The following SACS variants were observed in gnomAD, a reference collection of about 807,000 sequenced individuals.
The protein encoded by SACS is sacsin molecular chaperone, also known as sacsin.
In SACS, 197 loss-of-function variants were observed where a neutral mutation model predicts 348.0. That is an observed-to-expected ratio of 0.57 (90% confidence interval 0.50 to 0.64). SACS has a LOEUF of 0.64. Among genes scored for constraint, SACS ranks in the 30% least tolerant of loss-of-function variants. SACS has a pLI of 0.00. For synonymous variants in SACS, 1,985 were observed against 1,910.6 expected, an observed-to-expected ratio of 1.04 and a Z score of -1.02; for missense variants, 4,999 against 5,360.8, an observed-to-expected ratio of 0.93 and a Z score of 2.11.
chr13:23,411,557 C>T lies in SACS; in HGVS notation c.-318G>A, dbSNP rs1485822239. 1.3e-5 allele frequency: 4 copies of T among 305,894 alleles called. No homozygotes were observed. Among genetic ancestry groups the T allele is most frequent in the East Asian group, 1.3e-4 (2 of 15,772 alleles). 18.9% of individuals were successfully genotyped at this position (305,894 alleles called of 1,614,324 possible). ...AAAGGTTTTTGGCTTTCCCCCAGAG[C>T]AAAATCAATTTATTTTCATCTGAGA... On this transcript the variant is annotated 5_prime_UTR_variant, in exon 2 of 10. Coordinates refer to ENST00000382292, the MANE Select transcript of SACS (RefSeq NM_014363.6).
At chr13:23,372,071 G>A in intron 3 of SACS, among the ~76,000 whole-genome samples, 1 of 152,192 alleles carries the variant, frequency 6.6e-6, no homozygotes, top group East Asian at 1.9e-4. Context: ...TCATTAATAT[G>A]TCACAGAATT....
At chr13:23,347,591 G>C (rs147773250) in intron 9 of SACS, among the ~76,000 whole-genome samples, 1 of 152,290 alleles carries the variant, frequency 6.6e-6, no homozygotes, top group African/African-American at 2.4e-5. Context: ...TACTGATTGA[G>C]TGCTAGAGAT....
chr13:23,358,705 T>C (rs1173493722), intron 6 of SACS, among the ~76,000 whole-genome samples: 1 of 151,716 alleles, frequency 6.6e-6, no homozygotes, highest in Non-Finnish European at 1.5e-5. Flanking sequence ...TGGCCAAAAA[T>C]CCAAAAAGGA....
In SACS at chr13:23,338,870, A is replaced by G; in HGVS notation, c.5006T>C (p.Ile1669Thr). 2 of 1,613,192 alleles carry G rather than the reference A, an allele frequency of 1.2e-6. No individual in the cohort carries two copies. The highest frequency in any genetic ancestry group is 1.7e-6 in the Non-Finnish European group (2 of 1,179,832). The change falls in exon 10 of 10, where the codon ATT becomes ACT. Residue 1669 changes from isoleucine (I) to threonine (T), a missense_variant. Coordinates refer to ENST00000382292, the MANE Select transcript of SACS (RefSeq NM_014363.6). Reference sequence around the variant, plus strand: ...ACTAAATTCATCCACAAGAGAATAAATATCTGCTGTATTGTAGCACGTACT... The same window carrying G: ...ACTAAATTCATCCACAAGAGAATAAGTATCTGCTGTATTGTAGCACGTACT... ...VSSTCYNTADIYSLVDEFSLC... is the reference protein window; with the variant it reads ...VSSTCYNTADTYSLVDEFSLC...
Position 23,336,661 on chromosome 13 carries a change from T to G in SACS, c.7215A>C (p.Glu2405Asp), listed in dbSNP as rs1566064753. 2 of 1,613,846 alleles carry G rather than the reference T, an allele frequency of 1.2e-6. No individual in the cohort carries two copies. Among genetic ancestry groups the G allele is most frequent in the Middle Eastern group, 3.3e-4 (2 of 6,062 alleles). The change falls in exon 10 of 10, where the codon GAA becomes GAC. Residue 2405 changes from glutamate (E) to aspartate (D), a missense_variant. Around this residue, in one of 6 missense-constraint regions of SACS, gnomAD observed 3,156 missense variants for 3,380.1 expected, o/e 0.93. Transcript: ENST00000382292. ...TTGTTCCTCTTTCTTGATCAATAGA[T>G]TCCAAAACAAGAGCAAAATCTTCAA... ...CTVEDFALVL[E>D]SIDQERGTKQ...
intron 6 of SACS, among the ~76,000 whole-genome samples, chr13:23,359,662 T>C (rs926528489): frequency 6.6e-6 from 1 of 152,350 alleles, no homozygotes; most frequent in East Asian, 1.9e-4. Context: ...TATATTCAAC[T>C]ATATTCACTC....
intron 7 of SACS, 99 bp downstream of exon 7, chr13:23,358,236 G>T: frequency 7.8e-7 from 1 of 1,281,544 alleles, no homozygotes; most frequent in Non-Finnish European, 1.1e-6. Context: ...TGGGTAAGAT[G>T]GCTTTTAAAC....
intron 9 of SACS, chr13:23,346,859 T>C (rs1376159492): frequency 1.0e-6 from 1 of 973,208 alleles, no homozygotes; most frequent in Non-Finnish European, 1.2e-6. Context: ...TTAAATCCAT[T>C]CTTAGAAGAG....
intron 2 of SACS, among the ~76,000 whole-genome samples, chr13:23,395,881 C>T (rs1427246673): frequency 6.6e-6 from 1 of 152,130 alleles, no homozygotes; most frequent in African/African-American, 2.4e-5. Flanking sequence ...TACAAGGTCT[C>T]TATTTGCATC....
In SACS at chr13:23,365,758, C is replaced by T. The variant is rs922886160; in HGVS notation, c.346-481G>A. ...ATAGTAGCAATCTATATATACCCTTCAATTGGCTGCTTTCTTGAGAGCCTG... is the reference window on the plus strand; with the variant it reads ...ATAGTAGCAATCTATATATACCCTTTAATTGGCTGCTTTCTTGAGAGCCTG... On this transcript the variant is annotated intron_variant, in intron 5 of 9. Transcript: ENST00000382292. Among the ~76,000 whole-genome samples, 11 of 152,286 alleles carry T rather than the reference C, an allele frequency of 7.2e-5. No individual in the cohort carries two copies. The East Asian group carries it at 1.2e-3, about 16-fold the overall frequency.
chr13:23,340,089 G>C lies in SACS; in HGVS notation c.3787C>G (p.Leu1263Val). The change falls in exon 10 of 10, where the codon CTA becomes GTA. Residue 1263 changes from leucine to valine, a missense_variant. Transcript: ENST00000382292. ...LEIYGFMHDH[L>V]NEGKDSFRAL... Reference sequence around the variant, plus strand: ...CTAAAAGAATCTTTCCCTTCATTTAGATGATCATGCATGAATCCGTAAATC... The same window carrying C: ...CTAAAAGAATCTTTCCCTTCATTTACATGATCATGCATGAATCCGTAAATC... 1.2e-6 allele frequency: 2 copies of C among 1,614,028 alleles called. No homozygotes were observed. Among genetic ancestry groups the C allele is most frequent in the South Asian group, 1.1e-5 (1 of 91,038 alleles).
Position 23,335,183 on chromosome 13 carries a change from C to T in SACS, c.8693G>A (p.Arg2898His), listed in dbSNP as rs201977288. 1.9e-5 allele frequency: 31 copies of T among 1,613,894 alleles called. No individual in the cohort carries two copies. Among genetic ancestry groups the T allele is most frequent in the Admixed American group, 3.3e-5 (2 of 59,976 alleles). ...TCGAACACCAACTCCATTATCATCA[C>T]GCCACAGGTTCCTTCTGGCTGAATC... ...ALDSARRNLW[R>H]DDNGVGVRSD... The change falls in exon 10 of 10, where the codon CGT (arginine) becomes CAT (histidine). Residue 2898 changes from arginine to histidine, a missense_variant. Transcript: ENST00000382292. The surrounding 1 kb of genome is among the most constrained non-coding windows in gnomAD (Gnocchi z 4.7).
intron 4 of SACS, 45 bp downstream of exon 4, chr13:23,371,033 T>C: frequency 8.0e-7 from 1 of 1,246,028 alleles, no homozygotes; most frequent in Non-Finnish European, 1.1e-6. Flanking sequence ...TCAATCTTTG[T>C]GCAACCCAAC....
At chr13:23,383,738 T>C (rs1292745507) in intron 2 of SACS, among the ~76,000 whole-genome samples, 3 of 152,230 alleles carry the variant, frequency 2.0e-5, no homozygotes, top group Non-Finnish European at 4.4e-5. Flanking sequence ...ACGACGCTTA[T>C]GTCTCCTTTC....
At chr13:23,417,693 A>G (rs755620063) in intron 1 of SACS, among the ~76,000 whole-genome samples, 4 of 152,240 alleles carry the variant, frequency 2.6e-5, no homozygotes, top group South Asian at 2.1e-4. Flanking sequence ...GTGGAACACA[A>G]TATCTTTATG....
At chr13:23,361,780 A>G (rs1248636127) in intron 6 of SACS, among the ~76,000 whole-genome samples, 1 of 150,762 alleles carries the variant, frequency 6.6e-6, no homozygotes, top group Admixed American at 6.6e-5. Flanking sequence ...TCCGTTTCGA[A>G]AAAGAAGGAA....
intron 1 of SACS, among the ~76,000 whole-genome samples, chr13:23,412,023 G>A (rs1459287654): frequency 6.6e-6 from 1 of 152,206 alleles, no homozygotes; most frequent in Non-Finnish European, 1.5e-5. Flanking sequence ...ACTTTGGGAG[G>A]CAGAGGCGCG....
chr13:23,370,520 T>TA (rs1871321247), intron 4 of SACS, among the ~76,000 whole-genome samples: 1 of 152,174 alleles, frequency 6.6e-6, no homozygotes, highest in African/African-American at 2.4e-5. Context: ...TACAACACAG[T>TA]ATTGTTATTC....
intron 2 of SACS, among the ~76,000 whole-genome samples, chr13:23,386,142 G>A: frequency 6.6e-6 from 1 of 152,192 alleles, no homozygotes; most frequent in Non-Finnish European, 1.5e-5. Flanking sequence ...GTCACCAGCT[G>A]CATTAGCCCC....
Sources: gnomAD v4.1 joint callset for allele counts (sites outside exome capture counted in the v4.1 genomes callset) on GRCh38, gnomAD v4.1.1 for gene constraint, gnomAD v4.1.1 regional missense constraint, Gnocchi (gnomAD v3.1) non-coding constraint, MANE v1.5 for transcripts, NCBI Gene and HGNC (gene_info 2026-07-23, HGNC 2026-07-21) for gene names.